The following TMEM236 variants were observed in gnomAD, a reference collection of about 807,000 sequenced individuals.
The protein encoded by TMEM236 is family with sequence similarity 23, member A.
A neutral mutation model predicts 14.7 loss-of-function variants in TMEM236; 11 were observed. The ratio of observed to expected loss-of-function variants is 0.75; its 90% CI spans 0.47 to 1.24. The LOEUF is 1.24. Ranked by LOEUF, TMEM236 falls within the 50% of genes most tolerant of loss-of-function variation. TMEM236 has a pLI of 0.00. For missense variants in TMEM236, 464 were observed against 427.3 expected, an observed-to-expected ratio of 1.09 and a Z score of -0.76; for synonymous variants, 182 against 168.6, an observed-to-expected ratio of 1.08 and a Z score of -0.62.
chr10:17,757,455 C>G (rs1477931668), intron 1 of TMEM236, among the ~76,000 whole-genome samples: 1 of 151,956 alleles, frequency 6.6e-6, no homozygotes, highest in Non-Finnish European at 1.5e-5. Context: ...AAAAATTAGC[C>G]AGGCATGGTG....
chr10:17,793,366 A>C (rs1460197017), intron 3 of TMEM236, among the ~76,000 whole-genome samples: 1 of 152,258 alleles, frequency 6.6e-6, no homozygotes, highest in Non-Finnish European at 1.5e-5. Context: ...CTGAATGTTG[A>C]CAAAGCCATT....
chr10:17,775,504 G>A (rs1837645124), intron 2 of TMEM236, among the ~76,000 whole-genome samples: 1 of 152,158 alleles, frequency 6.6e-6, no homozygotes, highest in Non-Finnish European at 1.5e-5. Flanking sequence ...CGAGCTCCAG[G>A]CTCAAGCAAT....
intron 1 of TMEM236, among the ~76,000 whole-genome samples, chr10:17,760,753 C>T (rs1837350127): frequency 6.6e-6 from 1 of 152,122 alleles, no homozygotes. Context: ...GGGGAGGCCT[C>T]ACAATAATGG....
At chr10:17,785,989 G>A (rs1460798410) in intron 3 of TMEM236, among the ~76,000 whole-genome samples, 6 of 152,278 alleles carry the variant, frequency 3.9e-5, no homozygotes, top group Admixed American at 1.3e-4. Flanking sequence ...AACAGACATA[G>A]AATGTCAGGT....
rs1589156182 is a variant in TMEM236, at chr10:17,798,422, C to G, written c.*1918C>G. On this transcript the variant is annotated 3_prime_UTR_variant, in exon 4 of 4. Coordinates refer to ENST00000377495, the MANE Select transcript of TMEM236 (RefSeq NM_001098844.3). ...GGCATGGTGATCTGCAACTATAGTC[C>G]CAGCTACTTAGGAGGCTGGGGCAGG... 1 of 395,402 alleles carries G rather than the reference C, an allele frequency of 2.5e-6. No individual in the cohort carries two copies. The highest frequency in any genetic ancestry group is 2.1e-5 in the African/African-American group (1 of 47,392). 24.5% of individuals were successfully genotyped at this position (395,402 alleles called of 1,614,324 possible). A position where few individuals can be genotyped will look rare whatever the true frequency, so the allele number is the denominator to read the frequency against.
chr10:17,782,069 G>A (rs1837760218), intron 3 of TMEM236, among the ~76,000 whole-genome samples: 1 of 152,010 alleles, frequency 6.6e-6, no homozygotes, highest in South Asian at 2.1e-4. Flanking sequence ...TAGAGGCAAA[G>A]TGAGCCCCCA....
rs1838053167 is a variant in TMEM236, at chr10:17,798,702, AG to A, written c.*2200del. 1.9e-6 allele frequency: 1 copy of A among 534,490 alleles called. No individual in the cohort carries two copies. The highest frequency in any genetic ancestry group is 1.9e-5 in the Admixed American group (1 of 51,586). 33.1% of individuals were successfully genotyped at this position (534,490 alleles called of 1,614,324 possible). ...GCTTGCCTTCCAGCTTTCTAATTTGAGGTAGGTTCTATAACCTCTGTGGGTC... is the reference window on the plus strand; with the variant it reads ...GCTTGCCTTCCAGCTTTCTAATTTGAGTAGGTTCTATAACCTCTGTGGGTC... On this transcript the variant is annotated 3_prime_UTR_variant, in exon 4 of 4. Transcript: ENST00000377495.
intron 3 of TMEM236, among the ~76,000 whole-genome samples, chr10:17,777,897 C>T (rs1302483703): frequency 7.2e-5 from 11 of 152,078 alleles, no homozygotes; most frequent in South Asian, 2.1e-4. Flanking sequence ...TGCCACCATG[C>T]GTGGCTAATT....
chr10:17,798,225 G>T lies in TMEM236; in HGVS notation c.*1721G>T. ...CAAATCATTAAGAATGAGACATATG[G>T]CTTAAGAATGAAGCTTAAGAATTTG... On this transcript the variant is annotated 3_prime_UTR_variant, in exon 4 of 4. Transcript: ENST00000377495. The T allele has an allele frequency of 4.2e-6, 1 of 239,678 alleles. No homozygotes were observed. Among genetic ancestry groups the T allele is most frequent in the East Asian group, 1.1e-4 (1 of 8,726 alleles). 14.8% of individuals were successfully genotyped at this position (239,678 alleles called of 1,614,324 possible).
intron 3 of TMEM236, among the ~76,000 whole-genome samples, chr10:17,780,064 C>T (rs1395281709): frequency 6.6e-6 from 1 of 152,122 alleles, no homozygotes; most frequent in Non-Finnish European, 1.5e-5. Context: ...AGCCTTTTAG[C>T]CCTTAGAGTG....
chr10:17,765,337 G>A (rs1157181910), intron 1 of TMEM236, among the ~76,000 whole-genome samples: 5 of 152,254 alleles, frequency 3.3e-5, no homozygotes, highest in Admixed American at 2.6e-4. Flanking sequence ...TTCTTTTGGT[G>A]TGCAAAATAG....
At chr10:17,771,759 A>C (rs1837576648) in intron 2 of TMEM236, among the ~76,000 whole-genome samples, 1 of 152,256 alleles carries the variant, frequency 6.6e-6, no homozygotes, top group Non-Finnish European at 1.5e-5. Flanking sequence ...CTTACATTTT[A>C]ATACCTTTGA....
chr10:17,757,849 A>C (rs1179379923), intron 1 of TMEM236, among the ~76,000 whole-genome samples: 4 of 151,944 alleles, frequency 2.6e-5, no homozygotes, highest in African/African-American at 9.7e-5. Context: ...GCTCACTGCA[A>C]CCTCCACCTC....
intron 2 of TMEM236, among the ~76,000 whole-genome samples, chr10:17,773,560 A>G (rs2461191): frequency 0.11 from 16,603 of 151,878 alleles, 980 homozygotes; most frequent in African/African-American, 0.15. Context: ...CTGGTCTCGA[A>G]CTCCTGACCT....
Position 17,752,463 on chromosome 10 carries a change from C to T in TMEM236, c.168C>T (p.Ala56=). 1 of 1,613,952 alleles carries T rather than the reference C, an allele frequency of 6.2e-7. No homozygotes were observed. The highest frequency in any genetic ancestry group is 8.5e-7 in the Non-Finnish European group (1 of 1,179,826). Residue 56 remains alanine, a synonymous_variant, in exon 1 of 4, where the codon GCC becomes GCT. Coordinates refer to ENST00000377495, the MANE Select transcript of TMEM236 (RefSeq NM_001098844.3). ...HYWLIISCSI[A]YVALVTLLIW... is the part of the protein sequence containing the mutation. ...GGCTGATCATCTCCTGTTCTATTGCCTATGTTGCGTTAGTGACTCTACTGA... is the reference window on the plus strand; with the variant it reads ...GGCTGATCATCTCCTGTTCTATTGCTTATGTTGCGTTAGTGACTCTACTGA...
chr10:17,772,696 G>A (rs1837592902), intron 2 of TMEM236, among the ~76,000 whole-genome samples: 1 of 152,156 alleles, frequency 6.6e-6, no homozygotes, highest in African/African-American at 2.4e-5. Flanking sequence ...AACCCCCTGG[G>A]TAAGCATCGC....
At chr10:17,777,690 A>G (rs1375901409) in intron 3 of TMEM236, among the ~76,000 whole-genome samples, 2 of 152,196 alleles carry the variant, frequency 1.3e-5, no homozygotes, top group African/African-American at 4.8e-5. Flanking sequence ...AGACACGTGT[A>G]TCTTTTTGGG....
intron 3 of TMEM236, among the ~76,000 whole-genome samples, chr10:17,788,483 G>A (rs1323806654): frequency 6.6e-6 from 1 of 151,522 alleles, no homozygotes; most frequent in Non-Finnish European, 1.5e-5. Flanking sequence ...GGGCATGGTG[G>A]CTCACACCTG....
intron 3 of TMEM236, among the ~76,000 whole-genome samples, chr10:17,795,541 A>G (rs1198418439): frequency 6.6e-6 from 1 of 152,240 alleles, no homozygotes; most frequent in Non-Finnish European, 1.5e-5. Context: ...CAAGACACCA[A>G]GAGCCTTCTC....
Sources: gnomAD v4.1 joint callset for allele counts (sites outside exome capture counted in the v4.1 genomes callset) on GRCh38, gnomAD v4.1.1 for gene constraint, MANE v1.5 for transcripts, NCBI Gene and HGNC (gene_info 2026-07-23, HGNC 2026-07-21) for gene names.